Variants in IMMP2L observed in about 807,000 individuals in gnomAD.
IMMP2L encodes the protein mitochondrial inner membrane protease subunit 2.
In IMMP2L, 18 loss-of-function variants were observed where a neutral mutation model predicts 19.3. The ratio of observed to expected loss-of-function variants is 0.93; its 90% CI spans 0.64 to 1.38. IMMP2L has a LOEUF of 1.38. Among genes scored for constraint, IMMP2L ranks in the 40% most tolerant of loss-of-function variants. The pLI, the probability that IMMP2L is intolerant of heterozygous loss-of-function variation, is 0.00. For synonymous variants in IMMP2L, 76 were observed against 73.0 expected, an observed-to-expected ratio of 1.04 and a Z score of -0.21; for missense variants, 233 against 218.2, an observed-to-expected ratio of 1.07 and a Z score of -0.43.
At chr7:111,265,844 T>C (rs894120656) in intron 3 of IMMP2L, among the ~76,000 whole-genome samples, 1 of 152,200 alleles carries the variant, frequency 6.6e-6, no homozygotes, top group Non-Finnish European at 1.5e-5. Context: ...AAGGGGTTTC[T>C]GTTTTTATTC....
chr7:110,715,760 T>C (rs971489427), intron 5 of IMMP2L, among the ~76,000 whole-genome samples: 17 of 152,162 alleles, frequency 1.1e-4, no homozygotes, highest in African/African-American at 4.1e-4. Flanking sequence ...TGTAGATGTT[T>C]GTTAGGTCCA....
At chr7:111,189,353 T>C (rs983620537) in intron 3 of IMMP2L, among the ~76,000 whole-genome samples, 3 of 135,396 alleles carry the variant, frequency 2.2e-5, no homozygotes, top group Non-Finnish European at 1.6e-5. Context: ...AGTGCTTTCA[T>C]GTCACCCACC....
intron 5 of IMMP2L, among the ~76,000 whole-genome samples, chr7:110,857,403 T>C (rs1162859493): frequency 6.6e-6 from 1 of 152,100 alleles, no homozygotes; most frequent in Non-Finnish European, 1.5e-5. Flanking sequence ...CTGCAGGCTG[T>C]CTTCAGATTG....
intron 3 of IMMP2L, among the ~76,000 whole-genome samples, chr7:111,446,677 C>T (rs1474794089): frequency 2.0e-5 from 3 of 152,216 alleles, no homozygotes; most frequent in Non-Finnish European, 2.9e-5. Flanking sequence ...AACGCAGTTC[C>T]TCACCAGCAA....
intron 4 of IMMP2L, among the ~76,000 whole-genome samples, chr7:110,910,893 TAGG>T (rs1812991596): frequency 6.6e-6 from 1 of 152,128 alleles, no homozygotes; most frequent in African/African-American, 2.4e-5. Context: ...ATTGTTGATC[TAGG>T]AGAAGCCTGT....
intron 5 of IMMP2L, among the ~76,000 whole-genome samples, chr7:110,691,979 T>G (rs956638935): frequency 2.0e-5 from 3 of 152,140 alleles, no homozygotes; most frequent in Non-Finnish European, 4.4e-5. Context: ...GGAAAAGAAG[T>G]CATTATATCA....
intron 3 of IMMP2L, among the ~76,000 whole-genome samples, chr7:111,223,353 C>T (rs946246312): frequency 4.0e-5 from 6 of 151,820 alleles, no homozygotes; most frequent in Non-Finnish European, 7.4e-5. Context: ...TGTTATTATT[C>T]TCTATCATTT....
intron 3 of IMMP2L, among the ~76,000 whole-genome samples, chr7:111,460,273 T>C (rs1391067285): frequency 6.6e-6 from 1 of 152,190 alleles, no homozygotes; most frequent in Non-Finnish European, 1.5e-5. Context: ...TTAACTGTTA[T>C]TATCTAAATG....
At chr7:111,365,255 T>C (rs1339814410) in intron 3 of IMMP2L, among the ~76,000 whole-genome samples, 3 of 152,146 alleles carry the variant, frequency 2.0e-5, no homozygotes, top group Non-Finnish European at 4.4e-5. Context: ...AGTGATTATT[T>C]GAAACTGTTC....
At chr7:110,958,908 T>C (rs918882656) in intron 4 of IMMP2L, among the ~76,000 whole-genome samples, 6 of 151,900 alleles carry the variant, frequency 3.9e-5, no homozygotes, top group Admixed American at 3.9e-4. Context: ...TGACAGAAAA[T>C]GGAAGTCCTG....
intron 3 of IMMP2L, among the ~76,000 whole-genome samples, chr7:111,230,543 GA>G (rs1813600763): frequency 6.6e-6 from 1 of 152,018 alleles, no homozygotes; most frequent in Non-Finnish European, 1.5e-5. Flanking sequence ...TATCCTGAAA[GA>G]AAATAAACAT....
chr7:111,057,561 G>A (rs570928727), intron 3 of IMMP2L, among the ~76,000 whole-genome samples: 4 of 152,270 alleles, frequency 2.6e-5, no homozygotes, highest in Admixed American at 2.6e-4. Flanking sequence ...ACCATTCATA[G>A]AAAGCAGCTT....
At chr7:110,734,685 C>A (rs557589779) in intron 5 of IMMP2L, among the ~76,000 whole-genome samples, 1 of 151,700 alleles carries the variant, frequency 6.6e-6, no homozygotes, top group Admixed American at 6.6e-5. Context: ...ACCAGTCAGG[C>A]AGACAGTTAG....
At chr7:111,424,789 T>C (rs966899683) in intron 3 of IMMP2L, among the ~76,000 whole-genome samples, 1 of 151,830 alleles carries the variant, frequency 6.6e-6, no homozygotes, top group Non-Finnish European at 1.5e-5. Context: ...ACCAAAACAT[T>C]TGAAACAATC....
intron 5 of IMMP2L, among the ~76,000 whole-genome samples, chr7:110,682,594 G>T (rs116111426): frequency 2.0e-4 from 31 of 152,076 alleles, no homozygotes; most frequent in African/African-American, 7.2e-4. Context: ...CTTCTCACCC[G>T]CCTGGAAAGA....
intron 3 of IMMP2L, among the ~76,000 whole-genome samples, chr7:111,109,006 G>C (rs1374327320): frequency 6.6e-6 from 1 of 152,132 alleles, no homozygotes; most frequent in African/African-American, 2.4e-5. Context: ...GGAGATGATG[G>C]GAAGTAAGCA....
At chr7:111,152,649 G>GCAGTCCATAAAACTCTAC (rs1261656915) in intron 3 of IMMP2L, among the ~76,000 whole-genome samples, 8 of 152,052 alleles carry the variant, frequency 5.3e-5, no homozygotes, top group African/African-American at 1.9e-4. Context: ...CAGAACAAAA[G>GCAGTCCATAAAACTCTAC]CAGATGCTAG....
At chr7:110,785,301 T>A (rs1799995069) in intron 5 of IMMP2L, among the ~76,000 whole-genome samples, 1 of 152,016 alleles carries the variant, frequency 6.6e-6, no homozygotes, top group Non-Finnish European at 1.5e-5. Flanking sequence ...TTTTAAGTAA[T>A]GGTCATTTTA....
At chr7:111,484,959 TG>T (rs1400170965) in intron 3 of IMMP2L, among the ~76,000 whole-genome samples, 2 of 152,064 alleles carry the variant, frequency 1.3e-5, no homozygotes, top group Non-Finnish European at 2.9e-5. Flanking sequence ...GGCTAATTTT[TG>T]TATTTTTTGT....
Sources: allele counts gnomAD v4.1 joint callset (sites outside exome capture counted in the v4.1 genomes callset), GRCh38; gene constraint gnomAD v4.1.1; transcripts MANE v1.5; gene names NCBI Gene and HGNC (gene_info 2026-07-23, HGNC 2026-07-21).